TNRC6B: variants seen among roughly 807,000 people sequenced by gnomAD.
TNRC6B encodes the protein trinucleotide repeat containing adaptor 6B.
A neutral mutation model predicts 203.6 loss-of-function variants in TNRC6B; 52 were observed. The ratio of observed to expected loss-of-function variants is 0.26; its 90% CI spans 0.20 to 0.32. The LOEUF is 0.32. TNRC6B is among the 10% of genes least tolerant of loss of function. The pLI is 1.00. For synonymous variants in TNRC6B, 838 were observed against 845.7 expected, an observed-to-expected ratio of 0.99 and a Z score of 0.16; for missense variants, 1,923 against 2,286.2, an observed-to-expected ratio of 0.84 and a Z score of 3.24.
intron 3 of TNRC6B, among the ~76,000 whole-genome samples, chr22:40,260,789 C>T (rs1304685162): frequency 6.6e-6 from 1 of 152,162 alleles, no homozygotes; most frequent in Non-Finnish European, 1.5e-5. Context: ...TTGCTTCCCT[C>T]TCCGCCTTAA....
chr22:40,079,514 A>G (rs980004481), intron 1 of TNRC6B, among the ~76,000 whole-genome samples: 3 of 152,014 alleles, frequency 2.0e-5, no homozygotes, highest in Non-Finnish European at 2.9e-5. Flanking sequence ...ACTCCATGAA[A>G]TATTATTTTG....
chr22:40,278,864 C>T (rs1438935979), intron 9 of TNRC6B, among the ~76,000 whole-genome samples: 1 of 152,242 alleles, frequency 6.6e-6, no homozygotes, highest in East Asian at 1.9e-4. Context: ...CCTGAGTCTC[C>T]TGAGTAGCTG....
chr22:40,147,395 AGTTT>A (rs1422429905), intron 3 of TNRC6B, among the ~76,000 whole-genome samples: 1 of 152,190 alleles, frequency 6.6e-6, no homozygotes, highest in African/African-American at 2.4e-5. Context: ...ACAGTATCTC[AGTTT>A]GTTTATGCTG....
chr22:40,115,606 G>C (rs776110167), intron 1 of TNRC6B, among the ~76,000 whole-genome samples: 15 of 152,124 alleles, frequency 9.9e-5, no homozygotes, highest in African/African-American at 1.4e-4. Flanking sequence ...TTGCTATCAA[G>C]GAGCTCCTGC....
intron 1 of TNRC6B, among the ~76,000 whole-genome samples, chr22:40,203,752 G>A (rs112037951): frequency 6.6e-6 from 1 of 152,166 alleles, no homozygotes; most frequent in East Asian, 1.9e-4. Context: ...CTGCCACATG[G>A]CAGGTGCTGC....
At chr22:40,180,052 C>A (rs1041146869) in intron 1 of TNRC6B, among the ~76,000 whole-genome samples, 1 of 152,044 alleles carries the variant, frequency 6.6e-6, no homozygotes, top group Non-Finnish European at 1.5e-5. Context: ...GGATTGGAAA[C>A]ATTACATTAA....
At chr22:40,104,245 C>T (rs186976464) in intron 1 of TNRC6B, among the ~76,000 whole-genome samples, 59 of 150,368 alleles carry the variant, frequency 3.9e-4, no homozygotes, top group Non-Finnish European at 6.3e-4. Context: ...AGCAAGACTC[C>T]GTCTCAGGGA....
intron 3 of TNRC6B, among the ~76,000 whole-genome samples, chr22:40,142,360 C>T (rs917344526): frequency 6.6e-6 from 1 of 152,106 alleles, no homozygotes; most frequent in African/African-American, 2.4e-5. Context: ...CCGTGCACAG[C>T]CACCAGATTT....
chr22:40,318,030 T>C (rs2071282681), intron 21 of TNRC6B, among the ~76,000 whole-genome samples: 1 of 152,210 alleles, frequency 6.6e-6, no homozygotes, highest in African/African-American at 2.4e-5. Context: ...ACTAAGCAGA[T>C]TTTTTCACTT....
In TNRC6B at chr22:40,132,934, ACT is replaced by A. The variant is rs571981312; in HGVS notation, c.45+7075_45+7076del. On this transcript the variant is annotated intron_variant, in intron 3 of 23. Coordinates refer to the TNRC6B transcript ENST00000301923. ...ACTCCAGCCTGGGGGACAGAGCAAGACTCTGTCTCAAAAAAAAAAAAAAAAAA... is the reference window on the plus strand; with the variant it reads ...ACTCCAGCCTGGGGGACAGAGCAAGACTGTCTCAAAAAAAAAAAAAAAAAA... Among the ~76,000 whole-genome samples, 499 of 111,120 alleles carry A rather than the reference ACT, an allele frequency of 4.5e-3. 7 individuals carry two copies. The highest frequency in any genetic ancestry group is 0.03 in the South Asian group (94 of 3,084). The allele number at this position is 111,120 out of a possible 152,430, so 72.9% of individuals were successfully genotyped here.
At chr22:40,107,655 C>T (rs1415718007) in intron 1 of TNRC6B, among the ~76,000 whole-genome samples, 1 of 152,046 alleles carries the variant, frequency 6.6e-6, no homozygotes, top group Non-Finnish European at 1.5e-5. Flanking sequence ...AAGCTCGCTA[C>T]ATAAAATGAA....
chr22:40,144,777 C>T (rs1389728717), intron 3 of TNRC6B, among the ~76,000 whole-genome samples: 2 of 151,296 alleles, frequency 1.3e-5, no homozygotes, highest in Non-Finnish European at 2.9e-5. Flanking sequence ...AAAAGTGGTA[C>T]ATACTGTCAG....
intron 15 of TNRC6B, among the ~76,000 whole-genome samples, chr22:40,305,515 A>G (rs2071077637): frequency 6.6e-6 from 1 of 152,216 alleles, no homozygotes; most frequent in African/African-American, 2.4e-5. Flanking sequence ...CCACTAGAGC[A>G]CAGTGTCCCA....
intron 12 of TNRC6B, among the ~76,000 whole-genome samples, chr22:40,292,343 A>C (rs1259547355): frequency 7.3e-6 from 1 of 137,272 alleles, no homozygotes; most frequent in Non-Finnish European, 1.6e-5. Context: ...ACAGAGTGAG[A>C]CTCCATCTCA....
chr22:40,320,946 C>T, intron 21 of TNRC6B, 144 bp from the exon 22 acceptor site: 1 of 882,462 alleles, frequency 1.1e-6, no homozygotes, highest in Non-Finnish European at 1.7e-6. Flanking sequence ...TAGGCTGAAT[C>T]ATATGCTTTT....
chr22:40,111,804 G>A (rs2068337613), intron 1 of TNRC6B, among the ~76,000 whole-genome samples: 1 of 152,164 alleles, frequency 6.6e-6, no homozygotes, highest in Non-Finnish European at 1.5e-5. Context: ...CTGTATCTAT[G>A]AGAAAGCATA....
intron 5 of TNRC6B, among the ~76,000 whole-genome samples, chr22:40,269,761 G>A (rs555025115): frequency 4.9e-4 from 74 of 151,716 alleles, no homozygotes; most frequent in African/African-American, 1.6e-3. Flanking sequence ...GGTGGCACAC[G>A]CCTGTAATCT....
intron 1 of TNRC6B, among the ~76,000 whole-genome samples, chr22:40,048,466 A>G (rs3180150): frequency 6.6e-6 from 1 of 151,332 alleles, no homozygotes; most frequent in African/African-American, 2.4e-5. Context: ...GCTTGAACCA[A>G]GGAGGCGGAG....
chr22:40,278,356 G>C lies in TNRC6B; in HGVS notation c.3262+312G>C, dbSNP rs552648288. 4.6e-5 allele frequency among the ~76,000 whole-genome samples: 7 copies of C among 152,046 alleles called. No homozygotes were observed. In the South Asian group the frequency reaches 1.5e-3, roughly 32 times the overall value. On this transcript the variant is annotated intron_variant, in intron 9 of 22. Transcript: ENST00000454349. ...GGGTGGATTACGAGGTCAAGAGATC[G>C]AGACCATCCTGGCCTACATGGTGAA...
Sources: gnomAD v4.1 joint callset for allele counts (sites outside exome capture counted in the v4.1 genomes callset) on GRCh38, gnomAD v4.1.1 for gene constraint, MANE v1.5 for transcripts, NCBI Gene and HGNC (gene_info 2026-07-23, HGNC 2026-07-21) for gene names.